The following SGCD variants were observed in gnomAD, a reference collection of about 807,000 sequenced individuals.
SGCD encodes the protein delta-sarcoglycan.
SGCD carries 18 observed loss-of-function variants against 36.6 expected under a neutral mutation model. That is an observed-to-expected ratio of 0.49 (90% CI 0.34 to 0.73). The LOEUF (loss-of-function observed/expected upper bound fraction) is 0.73, where lower values mean the gene tolerates loss of function less well. SGCD is among the 30% of genes least tolerant of loss of function. The probability of loss-of-function intolerance (pLI) is 0.01; values close to 1 mark genes in which losing one functional copy is unlikely to be tolerated. For missense variants in SGCD, 387 were observed against 346.7 expected (o/e 1.12, Z -0.92); for synonymous variants, 133 against 130.6 (o/e 1.02, Z -0.12).
At chr5:156,248,722 T>G (rs1045088803) in intron 3 of SGCD, among the ~76,000 whole-genome samples, 1 of 152,202 alleles carries the variant, frequency 6.6e-6, no homozygotes, top group African/African-American at 2.4e-5. Flanking sequence ...ATGTGGAAGC[T>G]GAATTCGGAC....
intron 1 of SGCD, among the ~76,000 whole-genome samples, chr5:156,024,647 A>C (rs1759186023): frequency 6.6e-6 from 1 of 152,112 alleles, no homozygotes. Context: ...GTTTCCCTGT[A>C]ATAATTTTTC....
At chr5:155,750,660 G>C in the SGCD span, among the ~76,000 whole-genome samples, 1 of 152,160 alleles carries the variant, frequency 6.6e-6, no homozygotes, top group Non-Finnish European at 1.5e-5. Context: ...TCATAAAATA[G>C]ATATTTAAAA....
At chr5:155,849,612 T>A in the SGCD span, among the ~76,000 whole-genome samples, 1 of 152,222 alleles carries the variant, frequency 6.6e-6, no homozygotes, top group Non-Finnish European at 1.5e-5. Flanking sequence ...TAGGATGTAA[T>A]GACATTAACT....
chr5:155,866,488 T>C (rs912372383), upstream of SGCD, among the ~76,000 whole-genome samples: 2 of 152,242 alleles, frequency 1.3e-5, no homozygotes, highest in African/African-American at 2.4e-5. Context: ...TCCTGCTCCA[T>C]AGACCTGTAG....
rs1185087945 is a variant in SGCD at position 156,766,984 on chromosome 5, C to A, written c.*7594C>A. The A allele has an allele frequency of 6.6e-6, 1 of 152,190 alleles. No homozygotes were observed. Among genetic ancestry groups the A allele is most frequent in the South Asian group, 2.1e-4 (1 of 4,824 alleles). 9.4% of individuals were successfully genotyped at this position (152,190 alleles called of 1,614,324 possible). Reference sequence around the variant, plus strand: ...CAGTGCCAGTGCTTTCCTGGTTCAACAACCCACCACAAAACCTTAGTAAAA... The same window carrying A: ...CAGTGCCAGTGCTTTCCTGGTTCAAAAACCCACCACAAAACCTTAGTAAAA... On this transcript the variant is annotated 3_prime_UTR_variant, in exon 9 of 9. Coordinates refer to ENST00000337851, the MANE Select transcript of SGCD (RefSeq NM_000337.6).
At chr5:156,486,470 C>T (rs1327423934) in intron 3 of SGCD, among the ~76,000 whole-genome samples, 4 of 152,054 alleles carry the variant, frequency 2.6e-5, no homozygotes, top group African/African-American at 9.7e-5. Context: ...GGGACTGGCC[C>T]TGCTGGATGT....
chr5:155,835,182 AT>A, the SGCD span, among the ~76,000 whole-genome samples: 4 of 151,252 alleles, frequency 2.6e-5, no homozygotes, highest in Non-Finnish European at 5.9e-5. Context: ...TAATTTTTGT[AT>A]TTTTAGTAGA....
chr5:155,831,542 T>A, the SGCD span, among the ~76,000 whole-genome samples: 2 of 152,252 alleles, frequency 1.3e-5, no homozygotes, highest in Non-Finnish European at 2.9e-5. Context: ...GACTTTTGTA[T>A]GCAATTGCTT....
intron 3 of SGCD, among the ~76,000 whole-genome samples, chr5:156,441,982 A>G (rs1311616298): frequency 6.6e-6 from 1 of 152,174 alleles, no homozygotes; most frequent in Admixed American, 6.6e-5. Context: ...TATCCAAGGA[A>G]GGAGGTAGCA....
intron 3 of SGCD, among the ~76,000 whole-genome samples, chr5:156,408,489 G>A (rs1173986009): frequency 6.6e-6 from 1 of 151,928 alleles, no homozygotes; most frequent in Non-Finnish European, 1.5e-5. Context: ...CTCCCCAGTA[G>A]CTGGGATTAC....
rs149116941 is a variant in SGCD, at chr5:156,103,033, C to T, written c.-281-14845C>T. On this transcript the variant is annotated intron_variant, in intron 1 of 9. Transcript: ENST00000517913. ...TAATTTACCCCAAAGCCATATCTTC[C>T]GCTTTTATTATAATTTGCTATAAGG... 6.8e-3 allele frequency among the ~76,000 whole-genome samples: 1,036 copies of T among 152,224 alleles called. 8 individuals carry two copies. Among genetic ancestry groups the T allele is most frequent in the Middle Eastern group, 0.048 (14 of 294 alleles).
intron 1 of SGCD, among the ~76,000 whole-genome samples, chr5:156,081,200 T>C (rs1055366727): frequency 5.9e-5 from 9 of 152,060 alleles, no homozygotes; most frequent in Admixed American, 1.3e-4. Context: ...AGTGAGGAGA[T>C]GCCATACACC....
chr5:156,471,340 C>G (rs1220987445), intron 3 of SGCD, among the ~76,000 whole-genome samples: 1 of 151,838 alleles, frequency 6.6e-6, no homozygotes, highest in Non-Finnish European at 1.5e-5. Context: ...ACTAAGATAG[C>G]CAAAATAATT....
At chr5:155,767,717 C>T in the SGCD span, among the ~76,000 whole-genome samples, 1 of 152,136 alleles carries the variant, frequency 6.6e-6, no homozygotes, top group East Asian at 1.9e-4. Flanking sequence ...GGTACACTGC[C>T]TTCATGCATC....
At chr5:155,902,122 G>T (rs1008469612) in intron 1 of SGCD, among the ~76,000 whole-genome samples, 2 of 152,166 alleles carry the variant, frequency 1.3e-5, no homozygotes, top group African/African-American at 4.8e-5. Context: ...TTGTGTTGAA[G>T]CTATTTCTAA....
chr5:155,951,387 A>G (rs942248692), intron 1 of SGCD, among the ~76,000 whole-genome samples: 1 of 152,152 alleles, frequency 6.6e-6, no homozygotes, highest in East Asian at 1.9e-4. Context: ...TGATGTGGTT[A>G]AATCTCAAAA....
At chr5:155,807,037 T>C in the SGCD span, among the ~76,000 whole-genome samples, 1 of 152,220 alleles carries the variant, frequency 6.6e-6, no homozygotes, top group African/African-American at 2.4e-5. Flanking sequence ...CATAAATGCA[T>C]TTATTATATA....
At chr5:156,348,934 G>A (rs531392852) in intron 3 of SGCD, among the ~76,000 whole-genome samples, 59 of 151,982 alleles carry the variant, frequency 3.9e-4, no homozygotes, top group African/African-American at 1.2e-3. Context: ...AGAGAGAACC[G>A]AGAAATAAAA....
chr5:156,603,690 T>C (rs1208327388), intron 6 of SGCD, among the ~76,000 whole-genome samples: 3 of 152,070 alleles, frequency 2.0e-5, no homozygotes, highest in Non-Finnish European at 4.4e-5. Context: ...GACTGTTGTT[T>C]ACATGTATTT....
Sources: gnomAD v4.1 joint callset for allele counts (sites outside exome capture counted in the v4.1 genomes callset) on GRCh38, gnomAD v4.1.1 for gene constraint, MANE v1.5 for transcripts, NCBI Gene and HGNC (gene_info 2026-07-23, HGNC 2026-07-21) for gene names.